SDK1: variants seen among roughly 807,000 people sequenced by gnomAD.
The protein encoded by SDK1 is sidekick cell adhesion molecule 1, also known as protein sidekick-1.
SDK1 carries 157 observed loss-of-function variants against 245.5 expected under a neutral mutation model. That is an observed-to-expected ratio of 0.64 (90% confidence interval 0.56 to 0.73). The LOEUF is 0.73. SDK1 is among the 30% of genes least tolerant of loss of function. The probability of loss-of-function intolerance (pLI) is 0.00; values close to 1 mark genes in which losing one functional copy is unlikely to be tolerated. For synonymous variants in SDK1, 1,647 were observed against 1,278.5 expected, an observed-to-expected ratio of 1.29 and a Z score of -6.15; for missense variants, 3,583 against 3,002.3, an observed-to-expected ratio of 1.19 and a Z score of -4.52.
chr7:3,664,663 C>G (rs1214695657), intron 4 of SDK1, among the ~76,000 whole-genome samples: 2 of 151,656 alleles, frequency 1.3e-5, no homozygotes, highest in Non-Finnish European at 2.9e-5. Context: ...TCGCTTGAAC[C>G]CAGGAGGCAG....
At chr7:3,936,268 G>A (rs1308042739) in intron 5 of SDK1, among the ~76,000 whole-genome samples, 1 of 152,098 alleles carries the variant, frequency 6.6e-6, no homozygotes, top group Non-Finnish European at 1.5e-5. Context: ...ATGGGGTGCA[G>A]AGTTTCAGTT....
intron 5 of SDK1, among the ~76,000 whole-genome samples, chr7:3,833,641 G>A (rs2115077362): frequency 6.6e-6 from 1 of 152,314 alleles, no homozygotes; most frequent in East Asian, 1.9e-4. Flanking sequence ...GAAAGCTTAA[G>A]GAGTTTCATA....
chr7:4,129,643 G>T, intron 26 of SDK1: 1 of 1,342,124 alleles, frequency 7.5e-7, no homozygotes, highest in Non-Finnish European at 9.5e-7. Flanking sequence ...TGGGCCCTCA[G>T]ATCTTGCAGA....
intron 1 of SDK1, among the ~76,000 whole-genome samples, chr7:3,430,300 A>C (rs1406208625): frequency 2.0e-5 from 3 of 151,906 alleles, no homozygotes; most frequent in Non-Finnish European, 2.9e-5. Flanking sequence ...TTTTGAGGGG[A>C]GGGGACTGTG....
intron 1 of SDK1, among the ~76,000 whole-genome samples, chr7:3,465,041 A>T (rs1780950295): frequency 6.6e-6 from 1 of 152,174 alleles, no homozygotes. Flanking sequence ...AAGAGAGGGC[A>T]CAAACTCTTA....
intron 4 of SDK1, among the ~76,000 whole-genome samples, chr7:3,744,414 C>G (rs1779559309): frequency 6.6e-6 from 1 of 152,072 alleles, no homozygotes; most frequent in South Asian, 2.1e-4. Context: ...ATCTGCCAAA[C>G]ATATACTAGG....
chr7:3,808,824 A>G lies in SDK1; in HGVS notation c.714-12626A>G, dbSNP rs544598273. On this transcript the variant is annotated intron_variant, in intron 4 of 44. Coordinates refer to ENST00000404826, the MANE Select transcript of SDK1 (RefSeq NM_152744.4). ...CAGATGTTGTTTACACACAAATGCCATACCTATCGTAGTAGCGTTCAGAAA... is the reference window on the plus strand; with the variant it reads ...CAGATGTTGTTTACACACAAATGCCGTACCTATCGTAGTAGCGTTCAGAAA... Among the ~76,000 whole-genome samples the G allele has an allele frequency of 3.3e-5, 5 of 152,306 alleles. No homozygotes were observed. In the South Asian group the frequency reaches 8.3e-4, roughly 25 times the overall value.
intron 4 of SDK1, among the ~76,000 whole-genome samples, chr7:3,716,114 CAA>C (rs34348813): frequency 7.2e-4 from 59 of 82,076 alleles, no homozygotes; most frequent in Admixed American, 1.1e-3. Flanking sequence ...AAAAGGTAGA[CAA>C]AAAAAAAAAA....
At chr7:3,843,140 C>G (rs1049949211) in intron 5 of SDK1, among the ~76,000 whole-genome samples, 1 of 152,174 alleles carries the variant, frequency 6.6e-6, no homozygotes, top group Non-Finnish European at 1.5e-5. Flanking sequence ...TTATGGAACC[C>G]TGGGCTTTGC....
intron 14 of SDK1, among the ~76,000 whole-genome samples, chr7:4,003,588 C>G (rs184968749): frequency 3.3e-5 from 5 of 152,304 alleles, no homozygotes; most frequent in Admixed American, 3.3e-4. Flanking sequence ...GATTATGGGG[C>G]TTTGGGAAGA....
intron 4 of SDK1, among the ~76,000 whole-genome samples, chr7:3,800,744 C>G (rs555535176): frequency 6.6e-6 from 1 of 152,116 alleles, no homozygotes; most frequent in African/African-American, 2.4e-5. Context: ...AGTTTTTCGT[C>G]TGGATCACTC....
intron 14 of SDK1, among the ~76,000 whole-genome samples, chr7:4,006,394 G>A (rs986223515): frequency 6.6e-6 from 1 of 152,228 alleles, no homozygotes; most frequent in Non-Finnish European, 1.5e-5. Context: ...TTATGGGATG[G>A]TTTCCTTTAT....
intron 4 of SDK1, chr7:3,643,758 TCTC>T (rs1184752800): frequency 6.6e-6 from 1 of 151,566 alleles, no homozygotes; most frequent in Non-Finnish European, 1.5e-5. Flanking sequence ...ACCTGGTGAT[TCTC>T]CTCTCCCACC....
intron 22 of SDK1, among the ~76,000 whole-genome samples, chr7:4,109,448 G>A (rs113444620): frequency 3.9e-5 from 6 of 152,306 alleles, no homozygotes; most frequent in Admixed American, 2.0e-4. Flanking sequence ...TAGTGAGCAC[G>A]TTTCCTATCC....
Position 3,715,389 on chromosome 7 carries a change from C to T in SDK1, c.713+73284C>T, listed in dbSNP as rs900076925. 5.3e-5 allele frequency among the ~76,000 whole-genome samples: 8 copies of T among 152,308 alleles called. No individual in the cohort carries two copies. The South Asian group carries it at 6.2e-4, about 12-fold the overall frequency. On this transcript the variant is annotated intron_variant, in intron 4 of 44. Coordinates refer to ENST00000404826, the MANE Select transcript of SDK1 (RefSeq NM_152744.4). The stretch of plus-strand genomic sequence containing the variant: ...AGGTAGGCTACGTAGGTTCTTCCCT[C>T]CTCAGGTGGCACTAGTCAAGACTGA...
At chr7:3,608,935 C>T (rs1285400407) in intron 1 of SDK1, among the ~76,000 whole-genome samples, 11 of 152,152 alleles carry the variant, frequency 7.2e-5, no homozygotes. Context: ...TTATTAATAT[C>T]CTTCAACTGA....
At chr7:3,527,634 G>A (rs546827732) in intron 1 of SDK1, among the ~76,000 whole-genome samples, 37 of 151,550 alleles carry the variant, frequency 2.4e-4, no homozygotes, top group African/African-American at 8.7e-4. Flanking sequence ...TCAGCTAGGG[G>A]GTGAGTGGTG....
intron 12 of SDK1, among the ~76,000 whole-genome samples, chr7:3,971,938 G>A (rs989271471): frequency 3.3e-5 from 5 of 152,022 alleles, no homozygotes; most frequent in African/African-American, 7.3e-5. Flanking sequence ...TGCCACTCCC[G>A]GGAGAGTTCT....
intron 5 of SDK1, among the ~76,000 whole-genome samples, chr7:3,885,300 C>T (rs1328278056): frequency 5.3e-5 from 8 of 152,256 alleles, no homozygotes; most frequent in East Asian, 3.9e-4. Flanking sequence ...GACTGACGCC[C>T]GGTGGCAACA....
Sources: gnomAD v4.1 joint callset for allele counts (sites outside exome capture counted in the v4.1 genomes callset) on GRCh38, gnomAD v4.1.1 for gene constraint, MANE v1.5 for transcripts, NCBI Gene and HGNC (gene_info 2026-07-23, HGNC 2026-07-21) for gene names.